HKDC1: variants seen among roughly 807,000 people sequenced by gnomAD.
HKDC1 encodes hexokinase domain containing 1, also known as hexokinase HKDC1.
Under a neutral mutation model 96.6 loss-of-function variants are expected in HKDC1, and 66 were observed. The ratio of observed to expected loss-of-function variants is 0.68; its 90% CI spans 0.56 to 0.84. The LOEUF (loss-of-function observed/expected upper bound fraction) is 0.84, where lower values mean the gene tolerates loss of function less well. Ranked by LOEUF, HKDC1 falls within the 40% of genes least tolerant of loss-of-function variation. The pLI is 0.00. For missense variants in HKDC1, 1,211 were observed against 1,208.1 expected, an observed-to-expected ratio of 1.00 and a Z score of -0.04; for synonymous variants, 466 against 473.1, an observed-to-expected ratio of 0.98 and a Z score of 0.20.
chr10:69,227,405 C>T (rs773944218), intron 2 of HKDC1, 36 bp downstream of exon 2: 3 of 1,612,196 alleles, frequency 1.9e-6, no homozygotes, highest in Non-Finnish European at 2.5e-6. Context: ...GTCCCTGGCT[C>T]CTCTTGGCTG....
rs1276621039 is a variant in HKDC1, at chr10:69,248,742, G to A, written c.1570+14G>A. 1 of 1,581,990 alleles carries A rather than the reference G, an allele frequency of 6.3e-7. No individual in the cohort carries two copies. Among genetic ancestry groups the A allele is most frequent in the South Asian group, 1.1e-5 (1 of 87,470 alleles). ...CGGACGGCACAGGTGGGCCAGCACA[G>A]CCTCCCTCTCTGAACAGCCATCCAG... On this transcript the variant is annotated intron_variant, in intron 10 of 17. Transcript: ENST00000354624.
intron 7 of HKDC1, 115 bp downstream of exon 7, chr10:69,243,480 CTT>C: frequency 1.3e-6 from 1 of 748,662 alleles, no homozygotes; most frequent in Admixed American, 3.6e-5. Context: ...TCACAACTTT[CTT>C]TCTTTTTTTC....
intron 7 of HKDC1, among the ~76,000 whole-genome samples, chr10:69,244,279 C>T (rs1314345360): frequency 6.6e-6 from 1 of 152,108 alleles, no homozygotes; most frequent in Non-Finnish European, 1.5e-5. Flanking sequence ...CGGCTCATGT[C>T]GCACTTTCCT....
At chr10:69,259,060 C>T (rs778753669) in intron 15 of HKDC1, 101 bp downstream of exon 15, 34 of 919,060 alleles carry the variant, frequency 3.7e-5, no homozygotes, top group Non-Finnish European at 5.0e-5. Context: ...GTGCTTATTA[C>T]AGCTGTCGAA....
Position 69,257,039 on chromosome 10 carries a change from A to G in HKDC1, c.1840A>G (p.Thr614Ala). The stretch of plus-strand genomic sequence containing the variant: ...AATTTCCCCTCCTTTCTTTCAGGGA[A>G]CACTCATAGGGTGGACCAAAGGTTT... ...PCRQMSIDKG[T>A]LIGWTKGFKA... The change falls in exon 13 of 18, where the codon ACA becomes GCA. Residue 614 changes from threonine (T) to alanine (A), a missense_variant. Thr to Ala is a moderately conservative substitution (Grantham distance 58). Transcript: ENST00000354624. 6.2e-7 allele frequency: 1 copy of G among 1,613,216 alleles called. No homozygotes were observed. The highest frequency in any genetic ancestry group is 8.5e-7 in the Non-Finnish European group (1 of 1,179,170).
At chr10:69,264,772 CT>C (rs1184626471) in intron 16 of HKDC1, among the ~76,000 whole-genome samples, 1 of 152,212 alleles carries the variant, frequency 6.6e-6, no homozygotes, top group Admixed American at 6.5e-5. Context: ...AATTGTCTTT[CT>C]TGATAACACT....
chr10:69,250,327 C>T lies in HKDC1; in HGVS notation c.1608C>T (p.Thr536=). The change falls in exon 11 of 18, where the codon ACC becomes ACT. Residue 536 remains threonine (T), a synonymous_variant. Coordinates refer to ENST00000354624, the MANE Select transcript of HKDC1 (RefSeq NM_025130.4). ...TTCTCGCCCTGGATCTTGGGGGAAC[C>T]AACTTCCGGGTCCTCCTGGTGAAGA... is the stretch of plus-strand genomic sequence containing the variant. The part of the protein sequence containing the change: ...GKFLALDLGG[T]NFRVLLVKIR... The T allele has an allele frequency of 6.2e-7, 1 of 1,614,098 alleles. No homozygotes were observed. The highest frequency in any genetic ancestry group is 8.5e-7 in the Non-Finnish European group (1 of 1,179,964).
chr10:69,264,518 C>A (rs1843862013), intron 16 of HKDC1, among the ~76,000 whole-genome samples: 1 of 151,918 alleles, frequency 6.6e-6, no homozygotes, highest in Non-Finnish European at 1.5e-5. Context: ...TATAGGCATA[C>A]ACAATCATGT....
intron 10 of HKDC1, chr10:69,249,024 T>G: frequency 3.9e-6 from 1 of 258,872 alleles, no homozygotes; most frequent in African/African-American, 2.2e-5. Flanking sequence ...GACCCCCAGA[T>G]CCTGACCCCA....
chr10:69,258,846 G>A lies in HKDC1; in HGVS notation c.2103G>A (p.Lys701=). The change falls in exon 15 of 18, where the codon AAG becomes AAA. Residue 701 remains lysine, a synonymous_variant. Transcript: ENST00000354624. ...AGATGGTGGAGGGGGGTGAAGGGAA[G>A]ATGTGCATCAATACAGAGTGGGGAG... is the stretch of plus-strand genomic sequence containing the variant. ...NIEMVEGGEG[K]MCINTEWGGF... 1.2e-6 allele frequency: 2 copies of A among 1,614,092 alleles called. No individual in the cohort carries two copies. Among genetic ancestry groups the A allele is most frequent in the Non-Finnish European group, 1.7e-6 (2 of 1,179,990 alleles).
intron 4 of HKDC1, among the ~76,000 whole-genome samples, chr10:69,235,393 G>A (rs917633719): frequency 3.9e-5 from 6 of 152,200 alleles, no homozygotes; most frequent in East Asian, 1.9e-4. Flanking sequence ...CTGCATTCCA[G>A]CCTGGGTGAC....
chr10:69,247,377 C>T lies in HKDC1; in HGVS notation c.1049C>T (p.Ala350Val). ...AAMEKYKEGL[A>V]NTREILVDLG... ...CTGGCCAGGTATAAAGAAGGCCTTG[C>T]TAATACAAGAGAGATCCTGGTGGAC... Residue 350 changes from alanine (A) to valine (V), a missense_variant, in exon 9 of 18, where the codon GCT (alanine) becomes GTT (valine). Coordinates refer to ENST00000354624, the MANE Select transcript of HKDC1 (RefSeq NM_025130.4). 1.9e-6 allele frequency: 3 copies of T among 1,613,850 alleles called. No homozygotes were observed. Among genetic ancestry groups the T allele is most frequent in the Non-Finnish European group, 2.5e-6 (3 of 1,179,778 alleles).
At position 69,240,602 on chromosome 10, in the gene HKDC1, G is replaced by A. The variant is rs1170754368; in HGVS notation, c.592-50G>A. ...CTGCCTCTGTGGGGAAGGAGGGAGG[G>A]AAACACCTCCTTCCCACCCGCTGAT... is the stretch of plus-strand genomic sequence containing the variant. On this transcript the variant is annotated intron_variant, in intron 5 of 17. Transcript: ENST00000354624. 5 of 1,486,380 alleles carry A rather than the reference G, an allele frequency of 3.4e-6. No homozygotes were observed. In the East Asian group the frequency reaches 9.1e-5, roughly 27 times the overall value. The allele number at this position is 1,486,380 out of a possible 1,614,324, so 92.1% of individuals were successfully genotyped here.
At chr10:69,233,175 G>C in intron 4 of HKDC1, 42 bp downstream of exon 4, 1 of 1,610,584 alleles carries the variant, frequency 6.2e-7, no homozygotes. Flanking sequence ...ATTGGGGCTT[G>C]GGGAATGTGG....
chr10:69,237,672 C>T (rs758814864), intron 4 of HKDC1, among the ~76,000 whole-genome samples: 1 of 152,198 alleles, frequency 6.6e-6, no homozygotes, highest in Non-Finnish European at 1.5e-5. Context: ...TGAAGAAAGC[C>T]AGCCTGTGCA....
Position 69,265,815 on chromosome 10 carries a change from C to G in HKDC1, c.2603C>G (p.Pro868Arg). Reference protein sequence around the residue: ...GVDGTLYKLHPHFSRILQETV... With the variant: ...GVDGTLYKLHRHFSRILQETV... ...GACGGCACCCTGTACAAGCTGCACC[C>G]TCAGTGAGTGCCCACAAGAGGCGTG... is the stretch of plus-strand genomic sequence containing the variant. Residue 868 changes from proline to arginine, a missense_variant, in exon 17 of 18, where the codon CCT becomes CGT. Coordinates refer to ENST00000354624, the MANE Select transcript of HKDC1 (RefSeq NM_025130.4). 6.2e-7 allele frequency: 1 copy of G among 1,607,172 alleles called. No individual in the cohort carries two copies. The highest frequency in any genetic ancestry group is 8.5e-7 in the Non-Finnish European group (1 of 1,175,180).
In HKDC1 at chr10:69,261,196, C is replaced by T. The variant is rs762366418; in HGVS notation, c.2274C>T (p.Ile758=). 53 of 1,613,834 alleles carry T rather than the reference C, an allele frequency of 3.3e-5. No homozygotes were observed. Among genetic ancestry groups the T allele is most frequent in the East Asian group, 8.9e-5 (4 of 44,886 alleles). ...YLGEIVRQIL[I]DLTKQGLLFR... ...GGGAGATTGTGCGGCAGATCCTGAT[C>T]GACCTGACCAAGCAGGGTCTCCTCT... The change falls in exon 16 of 18, where the codon ATC becomes ATT. Residue 758 remains isoleucine (I), a synonymous_variant. Coordinates refer to ENST00000354624, the MANE Select transcript of HKDC1 (RefSeq NM_025130.4).
At chr10:69,263,086 A>G (rs994202587) in intron 16 of HKDC1, among the ~76,000 whole-genome samples, 8 of 152,078 alleles carry the variant, frequency 5.3e-5, no homozygotes, top group African/African-American at 1.9e-4. Context: ...GTTTTCTGAG[A>G]CAGGGTCTCA....
chr10:69,248,451 G>A lies in HKDC1; in HGVS notation c.1293G>A (p.Val431=). The change falls in exon 10 of 18, where the codon GTG becomes GTA. Residue 431 remains valine (V), a synonymous_variant. Transcript: ENST00000354624. The stretch of plus-strand genomic sequence containing the variant: ...ACCCAAAACGCCTGCACAAGGTGGT[G>A]AGGAAACTGGTCCCAAGCTGTGATG... The part of the protein sequence containing the change: ...PQYPKRLHKV[V]RKLVPSCDVR... The A allele has an allele frequency of 6.3e-7, 1 of 1,584,440 alleles. No individual in the cohort carries two copies. The highest frequency in any genetic ancestry group is 8.6e-7 in the Non-Finnish European group (1 of 1,161,892).
Sources: allele counts gnomAD v4.1 joint callset (sites outside exome capture counted in the v4.1 genomes callset), GRCh38; gene constraint gnomAD v4.1.1; transcripts MANE v1.5; gene names NCBI Gene and HGNC (gene_info 2026-07-23, HGNC 2026-07-21).